Variants in PCSK6 observed in about 807,000 individuals in gnomAD.
PCSK6 encodes paired basic amino acid cleaving enzyme 4.
PCSK6 carries 85 observed loss-of-function variants against 123.3 expected under a neutral mutation model. That is an observed-to-expected ratio of 0.69 (90% CI 0.58 to 0.83). The LOEUF (loss-of-function observed/expected upper bound fraction) is 0.83, where lower values mean the gene tolerates loss of function less well. PCSK6 is among the 40% of genes least tolerant of loss of function. The pLI, the probability that PCSK6 is intolerant of heterozygous loss-of-function variation, is 0.00. For missense variants in PCSK6, 1,191 were observed against 1,282.3 expected, an observed-to-expected ratio of 0.93 and a Z score of 1.09; for synonymous variants, 508 against 516.0, an observed-to-expected ratio of 0.98 and a Z score of 0.21.
intron 15 of PCSK6, among the ~76,000 whole-genome samples, chr15:101,328,967 C>T (rs555913368): frequency 9.2e-4 from 140 of 152,386 alleles, no homozygotes; most frequent in Non-Finnish European, 1.5e-3. Flanking sequence ...ATTCTCTGGG[C>T]AACCATGATG....
At chr15:101,314,484 C>T (rs1275535997) in intron 19 of PCSK6, among the ~76,000 whole-genome samples, 3 of 152,186 alleles carry the variant, frequency 2.0e-5, no homozygotes, top group Non-Finnish European at 2.9e-5. Context: ...TGCTTCAGTT[C>T]GATTGTGGTC....
chr15:101,313,213 G>A (rs1459090874), intron 20 of PCSK6, 163 bp downstream of exon 20: 9 of 1,536,260 alleles, frequency 5.9e-6, no homozygotes, highest in Non-Finnish European at 7.9e-6. Context: ...AGTGAACAAA[G>A]GGACGAAGGC....
chr15:101,307,622 C>T (rs1026857896), intron 20 of PCSK6: 4 of 331,690 alleles, frequency 1.2e-5, no homozygotes, highest in South Asian at 7.0e-5. Flanking sequence ...ACCTGGACAC[C>T]CTCCTGGGCC....
At chr15:101,431,271 A>G in intron 4 of PCSK6, 49 bp downstream of exon 4, 1 of 1,600,910 alleles carries the variant, frequency 6.2e-7, no homozygotes, top group Non-Finnish European at 8.6e-7. Context: ...TTACTTAATG[A>G]CCAGCACAGT....
At chr15:101,467,960 G>A (rs2057506526) in intron 1 of PCSK6, among the ~76,000 whole-genome samples, 1 of 152,200 alleles carries the variant, frequency 6.6e-6, no homozygotes, top group Non-Finnish European at 1.5e-5. Context: ...TCACTGGACG[G>A]GTGGTGGCTT....
chr15:101,330,048 C>G (rs550480590), intron 15 of PCSK6, among the ~76,000 whole-genome samples: 2 of 152,312 alleles, frequency 1.3e-5, no homozygotes, highest in Non-Finnish European at 2.9e-5. Context: ...TGCGGAGTCC[C>G]TGGGGTGGCC....
At position 101,331,562 on chromosome 15, in the gene PCSK6, G is replaced by C. The variant is rs2040371006; in HGVS notation, c.2077+89C>G. 4 of 1,254,150 alleles carry C rather than the reference G, an allele frequency of 3.2e-6. No individual in the cohort carries two copies. The East Asian group carries it at 9.7e-5, about 30-fold the overall frequency. 77.7% of individuals were successfully genotyped at this position (1,254,150 alleles called of 1,614,324 possible). A position where few individuals can be genotyped will look rare whatever the true frequency, so the allele number is the denominator to read the frequency against. ...TCCTAGAAGTGGCTAACTTACCAGG[G>C]GGCAAGACCCCATTCTGGTTGGGCA... On this transcript the variant is annotated intron_variant, in intron 15 of 21. Transcript: ENST00000611716.
intron 1 of PCSK6, among the ~76,000 whole-genome samples, chr15:101,452,021 G>A (rs1284277076): frequency 6.6e-6 from 1 of 152,274 alleles, no homozygotes; most frequent in South Asian, 2.1e-4. Context: ...TCCCATTTCA[G>A]TCACATATAC....
At chr15:101,318,208 T>C in intron 19 of PCSK6, 111 bp downstream of exon 19, 1 of 748,272 alleles carries the variant, frequency 1.3e-6, no homozygotes, top group Non-Finnish European at 2.2e-6. Flanking sequence ...TGCATTTTAA[T>C]GCTGCAATAA....
Position 101,486,337 on chromosome 15 carries a change from C to T in PCSK6, c.297+3037G>A, listed in dbSNP as rs185666469. On this transcript the variant is annotated intron_variant, in intron 1 of 21. Transcript: ENST00000611716. The stretch of plus-strand genomic sequence containing the variant: ...CACCTTTTTAAAAGACCTATTTCAA[C>T]GTATCTAACAGCTTTTATGCAAGAA... Among the ~76,000 whole-genome samples, 165 of 152,256 alleles carry T rather than the reference C, an allele frequency of 1.1e-3. 5 individuals carry two copies. In the East Asian group the frequency reaches 0.024, roughly 22 times the overall value.
chr15:101,464,952 ACAGAGGCTACT>A (rs2057423032), intron 1 of PCSK6, among the ~76,000 whole-genome samples: 1 of 69,258 alleles, frequency 1.4e-5, no homozygotes, highest in Non-Finnish European at 4.6e-5. Flanking sequence ...AAGCAAGGGG[ACAGAGGCTACT>A]CAGTGTACTT....
At chr15:101,480,112 A>C (rs888284894) in intron 1 of PCSK6, among the ~76,000 whole-genome samples, 115 of 152,338 alleles carry the variant, frequency 7.5e-4, no homozygotes, top group African/African-American at 2.7e-3. Flanking sequence ...GATTCCCCCC[A>C]GGGCGGTCTG....
At chr15:101,411,510 G>A (rs62018990) in intron 6 of PCSK6, among the ~76,000 whole-genome samples, 8,698 of 152,208 alleles carry the variant, frequency 0.057, 277 homozygotes, top group Middle Eastern at 0.071. Flanking sequence ...CAGCCACATG[G>A]GGATCTGTGA....
intron 19 of PCSK6, among the ~76,000 whole-genome samples, chr15:101,315,660 C>T (rs1171800173): frequency 2.0e-5 from 3 of 152,260 alleles, no homozygotes; most frequent in East Asian, 1.9e-4. Context: ...AGTGCCGTCT[C>T]AGGCACAGGA....
At position 101,483,915 on chromosome 15, in the gene PCSK6, T is replaced by C. The variant is rs559344491; in HGVS notation, c.297+5459A>G. Among the ~76,000 whole-genome samples the C allele has an allele frequency of 2.2e-4, 33 of 152,382 alleles. No homozygotes were observed. The East Asian group carries it at 6.2e-3, about 28-fold the overall frequency. ...GCCTGCAGGCACCTGCCTCCAGCGG[T>C]GGGCTTCAGATGGTCCAGAAGCACC... On this transcript the variant is annotated intron_variant, in intron 1 of 21. Coordinates refer to ENST00000611716, the MANE Select transcript of PCSK6 (RefSeq NM_002570.5).
intron 12 of PCSK6, 102 bp from the exon 13 acceptor site, chr15:101,366,434 C>A (rs1308745000): frequency 8.1e-7 from 1 of 1,238,756 alleles, no homozygotes. Flanking sequence ...TATGACCTGG[C>A]TGGACCGTAC....
At chr15:101,329,067 C>A (rs549240520) in intron 15 of PCSK6, among the ~76,000 whole-genome samples, 1 of 152,348 alleles carries the variant, frequency 6.6e-6, no homozygotes, top group South Asian at 2.1e-4. Flanking sequence ...TCTTGTGTCA[C>A]TTCCCGTAAC....
intron 13 of PCSK6, among the ~76,000 whole-genome samples, chr15:101,360,432 G>GC (rs1232198869): frequency 1.3e-5 from 2 of 152,146 alleles, no homozygotes; most frequent in African/African-American, 2.4e-5. Context: ...TCTTCCCACT[G>GC]CCCCCTGCAG....
intron 3 of PCSK6, 25 bp downstream of exon 3, chr15:101,431,965 C>A (rs991827008): frequency 4.6e-6 from 7 of 1,526,088 alleles, no homozygotes; most frequent in Non-Finnish European, 6.3e-6. Context: ...TGTCCTGGGG[C>A]AGACAGAGGT....
Sources: gnomAD v4.1 joint callset for allele counts (sites outside exome capture counted in the v4.1 genomes callset) on GRCh38, gnomAD v4.1.1 for gene constraint, MANE v1.5 for transcripts, NCBI Gene and HGNC (gene_info 2026-07-23, HGNC 2026-07-21) for gene names.